OLAH: variants seen among roughly 807,000 people sequenced by gnomAD.
OLAH encodes oleoyl-ACP hydrolase.
A neutral mutation model predicts 27.8 loss-of-function variants in OLAH; 33 were observed. That is an observed-to-expected ratio of 1.19 (90% CI 0.90 to 1.59). The LOEUF (loss-of-function observed/expected upper bound fraction) is 1.59. Ranked by LOEUF, OLAH falls within the 40% of genes most tolerant of loss-of-function variation. The pLI is 0.00. For synonymous variants in OLAH, 120 were observed against 102.9 expected (o/e 1.17, Z -1.01); for missense variants, 359 against 310.8 (o/e 1.16, Z -1.17).
At chr10:15,033,771 G>T (rs898045764) in intron 1 of OLAH, among the ~76,000 whole-genome samples, 1 of 152,096 alleles carries the variant, frequency 6.6e-6, no homozygotes. Context: ...GGCAAAAAGA[G>T]AGAGGGCAGG....
At position 15,062,741 on chromosome 10, in the gene OLAH, C is replaced by CTT. The variant is rs773373248; in HGVS notation, c.302+893_302+894dup. ...TATAAACAATAGTCCAGTGAACATT[C>CTT]TTTTTTTTTTTTTTTGAGACAGAGT... is the stretch of plus-strand genomic sequence containing the variant. On this transcript the variant is annotated intron_variant, in intron 4 of 7. Coordinates refer to ENST00000378228, the MANE Select transcript of OLAH (RefSeq NM_001039702.3). Among the ~76,000 whole-genome samples the CTT allele has an allele frequency of 1.3e-4, 18 of 140,150 alleles. No individual in the cohort carries two copies. The South Asian group carries it at 1.4e-3, about 11-fold the overall frequency. The allele number at this position is 140,150 out of a possible 152,430, so 91.9% of individuals were successfully genotyped here. A position where few individuals can be genotyped will look rare whatever the true frequency, so the allele number is the denominator to read the frequency against.
Position 15,065,754 on chromosome 10 carries a change from G to C in OLAH, c.572+1G>C. The C allele has an allele frequency of 6.3e-7, 1 of 1,582,796 alleles. No individual in the cohort carries two copies. On this transcript the variant is annotated splice_donor_variant, in intron 6 of 7. Coordinates refer to ENST00000378228, the MANE Select transcript of OLAH (RefSeq NM_001039702.3). LOFTEE classifies it high-confidence loss of function. ...ATCTGAACATTGTTAGAAGTTGCAC[G>C]TAAGTAACAGAAACAAGGTTTTTTC... is the stretch of plus-strand genomic sequence containing the variant.
chr10:15,058,855 G>C (rs1654962673), intron 3 of OLAH, among the ~76,000 whole-genome samples: 1 of 151,804 alleles, frequency 6.6e-6, no homozygotes, highest in Non-Finnish European at 1.5e-5. Context: ...GGAATGCCAG[G>C]GTGACAGTTG....
chr10:15,072,272 G>C (rs1286178111), intron 7 of OLAH, among the ~76,000 whole-genome samples: 3 of 152,008 alleles, frequency 2.0e-5, no homozygotes, highest in Non-Finnish European at 4.4e-5. Context: ...TGGGTACATA[G>C]TAGGTGTATA....
chr10:15,038,446 C>T (rs1316945589), intron 1 of OLAH, among the ~76,000 whole-genome samples: 1 of 152,136 alleles, frequency 6.6e-6, no homozygotes, highest in Non-Finnish European at 1.5e-5. Context: ...CGAATTGTAA[C>T]TCCCACAATT....
At chr10:15,052,155 C>T (rs145083604) in intron 3 of OLAH, among the ~76,000 whole-genome samples, 2 of 152,198 alleles carry the variant, frequency 1.3e-5, no homozygotes, top group African/African-American at 4.8e-5. Flanking sequence ...TAGTAGTGCA[C>T]GCCTATAATC....
intron 1 of OLAH, among the ~76,000 whole-genome samples, chr10:15,034,384 C>T (rs547037265): frequency 3.9e-5 from 6 of 152,090 alleles, no homozygotes; most frequent in South Asian, 4.2e-4. Context: ...CTGCCCACCT[C>T]GGCCTCCCAG....
intron 3 of OLAH, among the ~76,000 whole-genome samples, chr10:15,055,724 T>C (rs888652807): frequency 2.0e-5 from 3 of 152,158 alleles, no homozygotes; most frequent in African/African-American, 7.2e-5. Flanking sequence ...CTTAACCGTG[T>C]CCACTGCTCC....
intron 3 of OLAH, among the ~76,000 whole-genome samples, chr10:15,054,187 C>A (rs1415339879): frequency 6.6e-6 from 1 of 152,052 alleles, no homozygotes; most frequent in African/African-American, 2.4e-5. Flanking sequence ...TTTACAGGAG[C>A]CTGCCACCAT....
chr10:15,048,763 G>A (rs1263948450), intron 2 of OLAH, among the ~76,000 whole-genome samples: 1 of 152,040 alleles, frequency 6.6e-6, no homozygotes, highest in African/African-American at 2.4e-5. Context: ...TTATATATAG[G>A]TATTTGACTA....
At chr10:15,046,323 T>A (rs201153124) in intron 1 of OLAH, among the ~76,000 whole-genome samples, 1 of 149,040 alleles carries the variant, frequency 6.7e-6, no homozygotes, top group African/African-American at 2.5e-5. Flanking sequence ...CTCAAAAAAA[T>A]ATAAATAAAT....
At chr10:15,063,040 A>C (rs539720650) in intron 4 of OLAH, among the ~76,000 whole-genome samples, 1 of 152,280 alleles carries the variant, frequency 6.6e-6, no homozygotes, top group East Asian at 1.9e-4. Context: ...CACCCAGCCC[A>C]ATGAACATTC....
intron 3 of OLAH, among the ~76,000 whole-genome samples, chr10:15,060,654 T>C (rs1311473385): frequency 6.6e-6 from 1 of 152,148 alleles, no homozygotes; most frequent in African/African-American, 2.4e-5. Flanking sequence ...CATGTTCATG[T>C]TTTCATTCAC....
At chr10:15,069,505 A>G (rs529027266) in intron 6 of OLAH, among the ~76,000 whole-genome samples, 125 of 152,226 alleles carry the variant, frequency 8.2e-4, no homozygotes, top group African/African-American at 2.8e-3. Flanking sequence ...TGCCCTGTGG[A>G]GGTGTCTCTC....
intron 3 of OLAH, among the ~76,000 whole-genome samples, chr10:15,058,586 G>GA (rs904899729): frequency 6.0e-5 from 9 of 151,240 alleles, no homozygotes; most frequent in Admixed American, 1.3e-4. Context: ...ATTTTAAAGT[G>GA]AAAAAAAATG....
chr10:15,033,384 T>G (rs1843789269), intron 1 of OLAH, among the ~76,000 whole-genome samples: 1 of 152,066 alleles, frequency 6.6e-6, no homozygotes, highest in African/African-American at 2.4e-5. Context: ...ATTTCCTTTC[T>G]TATCATTATT....
chr10:15,072,793 G>C (rs1208108884), intron 7 of OLAH, among the ~76,000 whole-genome samples: 1 of 151,930 alleles, frequency 6.6e-6, no homozygotes, highest in Non-Finnish European at 1.5e-5. Context: ...CATGTCTCTG[G>C]TCAGGGAGGA....
intron 3 of OLAH, 49 bp downstream of exon 3, chr10:15,049,814 A>G: frequency 6.5e-7 from 1 of 1,545,878 alleles, no homozygotes; most frequent in African/African-American, 1.4e-5. Flanking sequence ...GGCAGATGAC[A>G]TAAATGTATT....
intron 5 of OLAH, among the ~76,000 whole-genome samples, chr10:15,064,761 G>A (rs972365809): frequency 6.6e-6 from 1 of 152,196 alleles, no homozygotes; most frequent in Admixed American, 6.5e-5. Context: ...GGGTTCAAGA[G>A]ATTCTCCTGT....
Sources: gnomAD v4.1 joint callset for allele counts (sites outside exome capture counted in the v4.1 genomes callset) on GRCh38, gnomAD v4.1.1 for gene constraint, MANE v1.5 for transcripts, NCBI Gene and HGNC (gene_info 2026-07-23, HGNC 2026-07-21) for gene names.